The following CCDC181 variants were observed in gnomAD, a reference collection of about 807,000 sequenced individuals.
CCDC181 encodes the protein coiled-coil domain-containing protein 181.
A neutral mutation model predicts 58.7 loss-of-function variants in CCDC181; 35 were observed. The observed-to-expected ratio is 0.60, with a 90% CI of 0.46 to 0.79. The LOEUF (loss-of-function observed/expected upper bound fraction) is 0.79. CCDC181 is among the 30% of genes least tolerant of loss of function. CCDC181 has a pLI of 0.00. For synonymous variants in CCDC181, 183 were observed against 197.5 expected, an observed-to-expected ratio of 0.93 and a Z score of 0.62; for missense variants, 517 against 583.9, an observed-to-expected ratio of 0.89 and a Z score of 1.18.
At chr1:169,460,328 G>C (rs1394784334) in exon 1 of CCDC181, 2 of 152,174 alleles carry the variant, frequency 1.3e-5, no homozygotes, top group East Asian at 3.9e-4. Context: ...GGTCAACATC[G>C]GCACAGTTAG....
chr1:169,427,784 T>A (rs987810309), upstream of CCDC181, among the ~76,000 whole-genome samples: 1 of 152,234 alleles, frequency 6.6e-6, no homozygotes. Flanking sequence ...ATAAGCAAAT[T>A]GCTAATGAGT....
At chr1:169,457,436 A>G (rs1232627871) in intron 2 of CCDC181, among the ~76,000 whole-genome samples, 3 of 152,132 alleles carry the variant, frequency 2.0e-5, no homozygotes, top group Non-Finnish European at 4.4e-5. Flanking sequence ...ATTGCTACAT[A>G]CAGTAAGTCC....
intron 2 of CCDC181, among the ~76,000 whole-genome samples, chr1:169,449,088 C>G (rs945325849): frequency 2.6e-5 from 4 of 152,128 alleles, no homozygotes; most frequent in Non-Finnish European, 5.9e-5. Flanking sequence ...CCACTAGAAC[C>G]CTTAAATATT....
intron 2 of CCDC181, among the ~76,000 whole-genome samples, chr1:169,454,207 A>C (rs1305020442): frequency 6.6e-6 from 1 of 152,090 alleles, no homozygotes; most frequent in Non-Finnish European, 1.5e-5. Context: ...AGAAAATGAA[A>C]TCTATATTTC....
At chr1:169,458,324 T>C (rs1286154054) in intron 2 of CCDC181, among the ~76,000 whole-genome samples, 3 of 152,080 alleles carry the variant, frequency 2.0e-5, no homozygotes, top group Admixed American at 1.3e-4. Flanking sequence ...AATGCCAAAA[T>C]GTTATTCAAA....
chr1:169,403,867 C>A (rs1176850492), intron 4 of CCDC181, among the ~76,000 whole-genome samples: 1 of 152,082 alleles, frequency 6.6e-6, no homozygotes, highest in African/African-American at 2.4e-5. Context: ...ATCAATGAAT[C>A]CAGGAGCTGG....
intron 3 of CCDC181, among the ~76,000 whole-genome samples, chr1:169,420,781 T>C (rs1656417414): frequency 6.6e-6 from 1 of 152,098 alleles, no homozygotes. Flanking sequence ...ATAAGATACA[T>C]AGAGTTTCAC....
intron 2 of CCDC181, among the ~76,000 whole-genome samples, chr1:169,437,244 A>G (rs145598704): frequency 9.8e-4 from 150 of 152,318 alleles, no homozygotes; most frequent in African/African-American, 3.3e-3. Flanking sequence ...CTGATCCATC[A>G]AGTGCAGGGT....
At chr1:169,447,822 T>C (rs1244256988) in intron 2 of CCDC181, among the ~76,000 whole-genome samples, 1 of 152,190 alleles carries the variant, frequency 6.6e-6, no homozygotes, top group Admixed American at 6.5e-5. Flanking sequence ...CTACTTCATC[T>C]TTCTTTTGTT....
intron 4 of CCDC181, among the ~76,000 whole-genome samples, chr1:169,409,352 A>T (rs10919161): frequency 0.015 from 2,209 of 152,282 alleles, 58 homozygotes; most frequent in African/African-American, 0.05. Context: ...AAAGAATGAA[A>T]AGGAACAAAC....
In CCDC181 at chr1:169,456,285, G is replaced by T. The variant is rs2101762295; in HGVS notation, c.-24+3512C>A. On this transcript the variant is annotated intron_variant, in intron 2 of 6. Coordinates refer to the CCDC181 transcript ENST00000545005. ...CTTTAGTTTCCTGGCAGTGTTTTGT[G>T]GTGGGGAGCACAGATGCACTGTGCA... 2.0e-5 allele frequency among the ~76,000 whole-genome samples: 3 copies of T among 152,252 alleles called. No homozygotes were observed. The South Asian group carries it at 6.2e-4, about 32-fold the overall frequency.
intron 2 of CCDC181, among the ~76,000 whole-genome samples, chr1:169,424,449 C>T (rs1656626318): frequency 6.6e-6 from 1 of 151,782 alleles, no homozygotes; most frequent in African/African-American, 2.4e-5. Flanking sequence ...AGCATAACCC[C>T]ATGATTTTAC....
rs1656478772 is a variant in CCDC181 at position 169,421,815 on chromosome 1, T to A, written c.616A>T (p.Asn206Tyr). 3.7e-6 allele frequency: 6 copies of A among 1,614,100 alleles called. No individual in the cohort carries two copies. Among genetic ancestry groups the A allele is most frequent in the Non-Finnish European group, 5.1e-6 (6 of 1,179,976 alleles). ...GQEDVLLSLT[N>Y]GSCEENKDRT... is the part of the protein sequence containing the mutation. ...TCCTTGTTTTCTTCACAGCTTCCAT[T>A]AGTAAGTGACAGGAGCACATCTTCT... Residue 206 changes from asparagine (N) to tyrosine (Y), a missense_variant, in exon 3 of 6, where the codon AAT becomes TAT. By Grantham distance (143) the Asn-to-Tyr change is moderately radical (BLOSUM62 -2). Coordinates refer to ENST00000367806, the MANE Select transcript of CCDC181 (RefSeq NM_001300969.2).
rs530245562 is a variant in CCDC181, at chr1:169,434,613, G to A, written c.-23-9663C>T. 9.2e-5 allele frequency among the ~76,000 whole-genome samples: 14 copies of A among 152,062 alleles called. No individual in the cohort carries two copies. In the East Asian group the frequency reaches 1.9e-3, roughly 21 times the overall value. On this transcript the variant is annotated intron_variant, in intron 2 of 6. Coordinates refer to the CCDC181 transcript ENST00000545005. ...ATATTATTCAGCCTTTTAAAGGAAG[G>A]AAATTCTAACATATGCTACAATGGG...
At chr1:169,448,403 T>C (rs1318662294) in intron 2 of CCDC181, among the ~76,000 whole-genome samples, 1 of 152,150 alleles carries the variant, frequency 6.6e-6, no homozygotes, top group Non-Finnish European at 1.5e-5. Flanking sequence ...TTTGTTTTTC[T>C]GAGAAAGTAA....
rs146726330 is a variant in CCDC181, at chr1:169,397,195, A to G, written c.1370+42T>C. 774 of 1,484,058 alleles carry G rather than the reference A, an allele frequency of 5.2e-4. 3 individuals carry two copies. The African/African-American group carries it at 9.7e-3, about 19-fold the overall frequency. 91.9% of individuals were successfully genotyped at this position (1,484,058 alleles called of 1,614,324 possible). ...TGATGATATAACTTTTAAAATGAAC[A>G]TGAGGAAGGAGGAGGGGGGAAATGC... On this transcript the variant is annotated intron_variant, in intron 5 of 5. Coordinates refer to ENST00000367806, the MANE Select transcript of CCDC181 (RefSeq NM_001300969.2).
rs552693979 is a variant in CCDC181, at chr1:169,413,086, C to T, written c.1215+5927G>A. Among the ~76,000 whole-genome samples, 55 of 152,192 alleles carry T rather than the reference C, an allele frequency of 3.6e-4. No homozygotes were observed. In the South Asian group the frequency reaches 0.011, roughly 29 times the overall value. ...AGAAACTATCATCAGAGTGAACAGG[C>T]GACCTACAGAATGGGAGAAAATTTT... On this transcript the variant is annotated intron_variant, in intron 4 of 5. Transcript: ENST00000367806.
chr1:169,433,904 G>A (rs1483190308), intron 2 of CCDC181, among the ~76,000 whole-genome samples: 1 of 152,022 alleles, frequency 6.6e-6, no homozygotes, highest in Non-Finnish European at 1.5e-5. Flanking sequence ...ACATGCAAAA[G>A]TAAACAAATT....
chr1:169,419,271 C>T (rs1656357860), intron 3 of CCDC181, 112 bp from the exon 4 acceptor site: 16 of 1,297,368 alleles, frequency 1.2e-5, no homozygotes, highest in Non-Finnish European at 1.5e-5. Flanking sequence ...GACCCTAAAA[C>T]TTTCCATCAG....
Sources: gnomAD v4.1 joint callset for allele counts (sites outside exome capture counted in the v4.1 genomes callset) on GRCh38, gnomAD v4.1.1 for gene constraint, MANE v1.5 for transcripts, NCBI Gene and HGNC (gene_info 2026-07-23, HGNC 2026-07-21) for gene names.